Variants in PLCXD3 observed in about 807,000 individuals in gnomAD.
PLCXD3 encodes phosphatidylinositol specific phospholipase C X domain containing 3.
PLCXD3 carries 19 observed loss-of-function variants against 25.5 expected under a neutral mutation model. The observed-to-expected ratio is 0.75, with a 90% confidence interval of 0.52 to 1.09. The LOEUF (loss-of-function observed/expected upper bound fraction) is 1.09, where lower values mean the gene tolerates loss of function less well. PLCXD3 is among the 50% of genes least tolerant of loss of function. PLCXD3 has a pLI of 0.00. For synonymous variants in PLCXD3, 174 were observed against 137.6 expected (o/e 1.26, Z -1.85); for missense variants, 411 against 388.1 (o/e 1.06, Z -0.50).
intron 2 of PLCXD3, among the ~76,000 whole-genome samples, chr5:41,329,449 T>C (rs1197537458): frequency 6.6e-6 from 1 of 152,218 alleles, no homozygotes; most frequent in Non-Finnish European, 1.5e-5. Flanking sequence ...AACAGGCTTT[T>C]TGTTTAGAAA....
chr5:41,313,780 G>T lies in PLCXD3; in HGVS notation c.813-10C>A. ...CATGGCAGGAAGAGCTCTGAGAAAG[G>T]AAACAAAAAGAAAAGTCACAGAAGG... On this transcript the variant is annotated splice_polypyrimidine_tract_variant and intron_variant, in intron 2 of 2. Transcript: ENST00000377801. 3.9e-6 allele frequency: 6 copies of T among 1,557,438 alleles called. No individual in the cohort carries two copies. Among genetic ancestry groups the T allele is most frequent in the Non-Finnish European group, 5.2e-6 (6 of 1,155,000 alleles).
chr5:41,432,937 T>C lies in PLCXD3; in HGVS notation c.104-50403A>G, dbSNP rs141599697. On this transcript the variant is annotated intron_variant, in intron 1 of 2. Coordinates refer to ENST00000377801, the MANE Select transcript of PLCXD3 (RefSeq NM_001005473.3). ...TCTGTCCACATCTCAGTCTGTCTTGTCTGCTGTTTTCTTTTGGCCCAGAAC... is the reference window on the plus strand; with the variant it reads ...TCTGTCCACATCTCAGTCTGTCTTGCCTGCTGTTTTCTTTTGGCCCAGAAC... Among the ~76,000 whole-genome samples the C allele has an allele frequency of 2.9e-3, 443 of 152,342 alleles. 4 individuals are homozygous for C. Among genetic ancestry groups the C allele is most frequent in the African/African-American group, 0.01 (416 of 41,576 alleles).
intron 1 of PLCXD3, among the ~76,000 whole-genome samples, chr5:41,424,436 AG>A: frequency 6.6e-6 from 1 of 152,208 alleles, no homozygotes; most frequent in East Asian, 1.9e-4. Flanking sequence ...GCTACTCGGG[AG>A]GCTGGGGCAG....
At position 41,331,739 on chromosome 5, in the gene PLCXD3, A is replaced by G. The variant is rs541023275; in HGVS notation, c.813-17969T>C. ...AAAACAGCATGGTACTGGTACCAAA[A>G]CAGAGATATAGACCAATGGAACAGA... On this transcript the variant is annotated intron_variant, in intron 2 of 2. Coordinates refer to ENST00000377801, the MANE Select transcript of PLCXD3 (RefSeq NM_001005473.3). Among the ~76,000 whole-genome samples the G allele has an allele frequency of 5.0e-3, 759 of 152,352 alleles. 6 individuals are homozygous for G. Among genetic ancestry groups the G allele is most frequent in the Middle Eastern group, 0.017 (5 of 294 alleles).
chr5:41,410,942 T>G lies in PLCXD3; in HGVS notation c.104-28408A>C, dbSNP rs117419114. On this transcript the variant is annotated intron_variant, in intron 1 of 2. Coordinates refer to ENST00000377801, the MANE Select transcript of PLCXD3 (RefSeq NM_001005473.3). Reference sequence around the variant, plus strand: ...GGAGCCTCCTGGTGGTGGCAGACCCTGCAGTTTGGGGCAGTCTTGAGTATA... The same window carrying G: ...GGAGCCTCCTGGTGGTGGCAGACCCGGCAGTTTGGGGCAGTCTTGAGTATA... 3.5e-4 allele frequency among the ~76,000 whole-genome samples: 53 copies of G among 152,276 alleles called. No homozygotes were observed. The East Asian group carries it at 6.6e-3, about 19-fold the overall frequency.
chr5:41,391,289 G>A (rs543897510), intron 1 of PLCXD3, among the ~76,000 whole-genome samples: 1 of 152,262 alleles, frequency 6.6e-6, no homozygotes, highest in South Asian at 2.1e-4. Flanking sequence ...CACAGCTTGA[G>A]GCTCCAAAAG....
chr5:41,425,308 T>C (rs1370058973), intron 1 of PLCXD3, among the ~76,000 whole-genome samples: 1 of 152,134 alleles, frequency 6.6e-6, no homozygotes, highest in East Asian at 1.9e-4. Flanking sequence ...CTTTTTTTTT[T>C]CTTTCTGGAA....
At chr5:41,352,415 T>G (rs555705858) in intron 2 of PLCXD3, among the ~76,000 whole-genome samples, 1 of 152,222 alleles carries the variant, frequency 6.6e-6, no homozygotes, top group South Asian at 2.1e-4. Context: ...TGTGAGGTTT[T>G]TCTGGAAATC....
chr5:41,330,010 C>A (rs951876002), intron 2 of PLCXD3, among the ~76,000 whole-genome samples: 1 of 151,534 alleles, frequency 6.6e-6, no homozygotes, highest in Non-Finnish European at 1.5e-5. Context: ...CAGTTATGGG[C>A]GAACAATTGT....
chr5:41,396,759 G>A (rs1324697357), intron 1 of PLCXD3, among the ~76,000 whole-genome samples: 2 of 152,208 alleles, frequency 1.3e-5, no homozygotes, highest in East Asian at 3.8e-4. Context: ...AGATGGAGAT[G>A]AGGAACTTAT....
rs751404561 is a variant in PLCXD3 at position 41,484,245 on chromosome 5, GCACA to G, written c.103+26175_103+26178del. On this transcript the variant is annotated intron_variant, in intron 1 of 2. Coordinates refer to ENST00000377801, the MANE Select transcript of PLCXD3 (RefSeq NM_001005473.3). Reference sequence around the variant, plus strand: ...TCTGTGACTTAAGATCCTGGAACATGCACACACACACACACACACACACACACTA... The same window carrying G: ...TCTGTGACTTAAGATCCTGGAACATGCACACACACACACACACACACACTA... Among the ~76,000 whole-genome samples, 83 of 124,488 alleles carry G rather than the reference GCACA, an allele frequency of 6.7e-4. No homozygotes were observed. The East Asian group carries it at 8.6e-3, about 13-fold the overall frequency. The allele number at this position is 124,488 out of a possible 152,430, so 81.7% of individuals were successfully genotyped here.
At chr5:41,321,862 T>C (rs11739235) in intron 2 of PLCXD3, among the ~76,000 whole-genome samples, 10,460 of 152,280 alleles carry the variant, frequency 0.069, 692 homozygotes, top group East Asian at 0.35. Flanking sequence ...GAAAATTGGA[T>C]ATCCAGATGC....
At chr5:41,402,617 A>T (rs896684052) in intron 1 of PLCXD3, among the ~76,000 whole-genome samples, 4 of 151,764 alleles carry the variant, frequency 2.6e-5, no homozygotes, top group Non-Finnish European at 5.9e-5. Context: ...ATCTCTATTA[A>T]TTTTCTATCT....
chr5:41,482,057 G>A (rs1748425884), intron 1 of PLCXD3, among the ~76,000 whole-genome samples: 2 of 152,070 alleles, frequency 1.3e-5, no homozygotes, highest in South Asian at 2.1e-4. Flanking sequence ...GAAAAGTGAA[G>A]TTCTTCAAGA....
intron 2 of PLCXD3, among the ~76,000 whole-genome samples, chr5:41,360,497 G>T (rs1339108560): frequency 6.6e-6 from 1 of 151,302 alleles, no homozygotes; most frequent in African/African-American, 2.4e-5. Context: ...ATGTCAGAGG[G>T]AAGACTTGGG....
At chr5:41,487,311 C>T (rs1287801104) in intron 1 of PLCXD3, among the ~76,000 whole-genome samples, 1 of 152,054 alleles carries the variant, frequency 6.6e-6, no homozygotes, top group Non-Finnish European at 1.5e-5. Context: ...GTGTGGGCTT[C>T]TTGAAAGATT....
At chr5:41,420,133 C>A (rs1746786045) in intron 1 of PLCXD3, among the ~76,000 whole-genome samples, 1 of 152,154 alleles carries the variant, frequency 6.6e-6, no homozygotes, top group African/African-American at 2.4e-5. Flanking sequence ...AATGATTGCA[C>A]CTATATCAAG....
intron 2 of PLCXD3, among the ~76,000 whole-genome samples, chr5:41,329,598 C>A (rs4957392): frequency 0.085 from 12,839 of 151,904 alleles, 830 homozygotes; most frequent in East Asian, 0.35. Context: ...TAATTTTTTA[C>A]AAAAAATATT....
At chr5:41,340,203 T>C (rs1744100193) in intron 2 of PLCXD3, among the ~76,000 whole-genome samples, 1 of 152,154 alleles carries the variant, frequency 6.6e-6, no homozygotes, top group Non-Finnish European at 1.5e-5. Context: ...GTAACCAGCA[T>C]TCACCAGTCT....
Sources: allele counts gnomAD v4.1 joint callset (sites outside exome capture counted in the v4.1 genomes callset), GRCh38; gene constraint gnomAD v4.1.1; transcripts MANE v1.5; gene names NCBI Gene and HGNC (gene_info 2026-07-23, HGNC 2026-07-21).